The following CRADD variants were observed in gnomAD, a reference collection of about 807,000 sequenced individuals.
The protein encoded by CRADD is death domain-containing protein CRADD.
CRADD carries 9 observed loss-of-function variants against 15.5 expected under a neutral mutation model. The observed-to-expected ratio is 0.58, with a 90% CI of 0.35 to 1.01. The LOEUF is 1.01. CRADD is among the 50% of genes least tolerant of loss of function. The pLI is 0.02. For missense variants in CRADD, 227 were observed against 250.3 expected (o/e 0.91, Z 0.63); for synonymous variants, 118 against 107.6 (o/e 1.10, Z -0.60).
At chr12:93,834,501 T>G (rs1957952382) in intron 2 of CRADD, among the ~76,000 whole-genome samples, 1 of 152,222 alleles carries the variant, frequency 6.6e-6, no homozygotes, top group Non-Finnish European at 1.5e-5. Flanking sequence ...GTTTTTTTCT[T>G]TTTTGAGACG....
At position 93,839,069 on chromosome 12, in the gene CRADD, C is replaced by T. The variant is rs185449433; in HGVS notation, c.299-10901C>T. ...ATTACAGGCGTGATCCATGGGTGCCCGGCCTGGACATATATTCTTAATTTG... is the reference window on the plus strand; with the variant it reads ...ATTACAGGCGTGATCCATGGGTGCCTGGCCTGGACATATATTCTTAATTTG... On this transcript the variant is annotated intron_variant, in intron 2 of 2. Coordinates refer to ENST00000332896, the MANE Select transcript of CRADD (RefSeq NM_003805.5). 2.2e-3 allele frequency among the ~76,000 whole-genome samples: 330 copies of T among 152,194 alleles called. 1 individual carries two copies. Among genetic ancestry groups the T allele is most frequent in the Non-Finnish European group, 3.7e-3 (254 of 67,968 alleles).
At position 93,750,266 on chromosome 12, in the gene CRADD, C is replaced by T. The variant is rs532947487; in HGVS notation, c.298+71194C>T. ...GTGTGGTTATCATGGACAACTGAAT[C>T]GGGGCTTTATTCACACTAGGAGAAA... On this transcript the variant is annotated intron_variant, in intron 2 of 2. Coordinates refer to ENST00000332896, the MANE Select transcript of CRADD (RefSeq NM_003805.5). Among the ~76,000 whole-genome samples the T allele has an allele frequency of 1.9e-3, 286 of 151,288 alleles. 1 individual carries two copies. The highest frequency in any genetic ancestry group is 6.6e-3 in the African/African-American group (273 of 41,470).
chr12:93,822,004 G>C (rs976695342), intron 2 of CRADD, among the ~76,000 whole-genome samples: 7 of 151,928 alleles, frequency 4.6e-5, no homozygotes, highest in African/African-American at 1.7e-4. Flanking sequence ...TGCAATCCCA[G>C]CTATTTGGGA....
intron 2 of CRADD, among the ~76,000 whole-genome samples, chr12:93,885,519 T>C (rs1005809481): frequency 6.6e-6 from 1 of 151,406 alleles, no homozygotes; most frequent in African/African-American, 2.4e-5. Context: ...GTGAGGCTGA[T>C]TGGAACCTTC....
intron 2 of CRADD, among the ~76,000 whole-genome samples, chr12:93,802,404 C>G (rs950094675): frequency 1.3e-5 from 2 of 152,194 alleles, no homozygotes; most frequent in Non-Finnish European, 2.9e-5. Flanking sequence ...AATCAGGGCT[C>G]TCTGAGCTTG....
intron 2 of CRADD, chr12:93,709,070 A>T (rs1425867913): frequency 1.3e-5 from 2 of 152,222 alleles, no homozygotes; most frequent in Non-Finnish European, 2.9e-5. Flanking sequence ...AGAATAGATG[A>T]TATTGCTGGA....
chr12:93,772,911 C>T (rs1957099795), intron 2 of CRADD, among the ~76,000 whole-genome samples: 1 of 152,028 alleles, frequency 6.6e-6, no homozygotes, highest in Non-Finnish European at 1.5e-5. Context: ...GGAAGGGTAC[C>T]CAGAAGCAAG....
rs973518059 is a variant in CRADD at position 93,824,813 on chromosome 12, C to T, written c.299-25157C>T. On this transcript the variant is annotated intron_variant, in intron 2 of 2. Transcript: ENST00000332896. The surrounding 1 kb of genome is among the most constrained non-coding windows in gnomAD (Gnocchi z 4.3). ...CTGTCCATGGAATGTGATAGCCCAG[C>T]AGGAGGTAAAAGCTGCCCCTGGACA... Among the ~76,000 whole-genome samples the T allele has an allele frequency of 6.6e-6, 1 of 152,182 alleles. No individual in the cohort carries two copies. Among genetic ancestry groups the T allele is most frequent in the Non-Finnish European group, 1.5e-5 (1 of 68,026 alleles).
At chr12:93,746,486 G>A (rs541083953) in intron 2 of CRADD, among the ~76,000 whole-genome samples, 1 of 152,280 alleles carries the variant, frequency 6.6e-6, no homozygotes, top group East Asian at 1.9e-4. Flanking sequence ...TGTGGGAATG[G>A]GACGTGGAAC....
At chr12:93,817,098 C>T (rs553859929) in intron 2 of CRADD, among the ~76,000 whole-genome samples, 2 of 151,532 alleles carry the variant, frequency 1.3e-5, no homozygotes, top group Non-Finnish European at 2.9e-5. Flanking sequence ...TCATTTGGCT[C>T]ATTCATGGTG....
intron 2 of CRADD, among the ~76,000 whole-genome samples, chr12:93,711,121 A>G (rs1956065350): frequency 7.5e-6 from 1 of 133,082 alleles, no homozygotes; most frequent in African/African-American, 2.8e-5. Context: ...CTCTGGGTAT[A>G]TTAGAGGTTG....
At chr12:93,726,748 A>G (rs17194590) in intron 2 of CRADD, among the ~76,000 whole-genome samples, 6,615 of 152,262 alleles carry the variant, frequency 0.043, 187 homozygotes, top group South Asian at 0.066. Context: ...GGTAGCAGGA[A>G]AGAACAAGTG....
intron 2 of CRADD, among the ~76,000 whole-genome samples, chr12:93,779,420 T>C (rs1005741335): frequency 6.6e-6 from 1 of 151,928 alleles, no homozygotes; most frequent in African/African-American, 2.4e-5. Flanking sequence ...TTTAGGAAAA[T>C]ATATTTCAAA....
chr12:93,799,323 G>C (rs1290297790), intron 2 of CRADD, among the ~76,000 whole-genome samples: 1 of 152,134 alleles, frequency 6.6e-6, no homozygotes, highest in Non-Finnish European at 1.5e-5. Context: ...GTCACCTACA[G>C]TGGCCACATT....
chr12:93,696,710 C>T (rs1955714750), intron 2 of CRADD, among the ~76,000 whole-genome samples: 1 of 150,894 alleles, frequency 6.6e-6, no homozygotes, highest in Admixed American at 6.6e-5. Context: ...CCCTTTGTAT[C>T]TATGGATTCA....
chr12:93,765,380 T>C (rs1224600118), intron 2 of CRADD, among the ~76,000 whole-genome samples: 2 of 152,200 alleles, frequency 1.3e-5, no homozygotes. Context: ...TACACTGCTC[T>C]TTAGAGTGCG....
At chr12:93,807,528 C>T (rs1489537638) in intron 2 of CRADD, among the ~76,000 whole-genome samples, 1 of 152,156 alleles carries the variant, frequency 6.6e-6, no homozygotes, top group East Asian at 1.9e-4. Flanking sequence ...CTACCATGTG[C>T]TAGGCACTGT....
At chr12:93,696,096 C>T (rs149295422) in intron 2 of CRADD, among the ~76,000 whole-genome samples, 1,786 of 152,276 alleles carry the variant, frequency 0.012, 26 homozygotes, top group African/African-American at 0.04. Flanking sequence ...GTAACAAGTA[C>T]TGGCATGGAT....
rs1592892068 is a variant in CRADD, at chr12:93,694,214, A to G, written c.298+15142A>G. ...TACCACATTAACAGAATGAAGGACA[A>G]AAACTATATGATCATCTCAATAGTT... On this transcript the variant is annotated intron_variant, in intron 2 of 2. Coordinates refer to ENST00000332896, the MANE Select transcript of CRADD (RefSeq NM_003805.5). Among the ~76,000 whole-genome samples, 6 of 152,286 alleles carry G rather than the reference A, an allele frequency of 3.9e-5. No individual in the cohort carries two copies. The South Asian group carries it at 1.2e-3, about 32-fold the overall frequency.
Sources: allele counts gnomAD v4.1 joint callset (sites outside exome capture counted in the v4.1 genomes callset), GRCh38; gene constraint gnomAD v4.1.1; non-coding constraint Gnocchi (gnomAD v3.1); transcripts MANE v1.5; gene names NCBI Gene and HGNC (gene_info 2026-07-23, HGNC 2026-07-21).